The following C12orf42 variants were observed in gnomAD, a reference collection of about 807,000 sequenced individuals.
The protein encoded by C12orf42 is chromosome 12 open reading frame 42, also known as uncharacterized protein C12orf42.
C12orf42 carries 25 observed loss-of-function variants against 21.6 expected under a neutral mutation model. The observed-to-expected ratio is 1.16, with a 90% CI of 0.84 to 1.62. The LOEUF (loss-of-function observed/expected upper bound fraction) is 1.62, where lower values mean the gene tolerates loss of function less well. Ranked by LOEUF, C12orf42 falls within the 40% of genes most tolerant of loss-of-function variation. The probability of loss-of-function intolerance (pLI) is 0.00; values close to 1 mark genes in which losing one functional copy is unlikely to be tolerated. For synonymous variants in C12orf42, 174 were observed against 175.0 expected, an observed-to-expected ratio of 0.99 and a Z score of 0.05; for missense variants, 483 against 459.3, an observed-to-expected ratio of 1.05 and a Z score of -0.47.
chr12:103,057,249 AG>A, the C12orf42 span, among the ~76,000 whole-genome samples: 1 of 151,204 alleles, frequency 6.6e-6, no homozygotes, highest in Non-Finnish European at 1.5e-5. Context: ...TTTGTTACAT[AG>A]CTATACGTGT....
At chr12:103,327,307 G>A (rs2040805634) in intron 4 of C12orf42, among the ~76,000 whole-genome samples, 1 of 152,072 alleles carries the variant, frequency 6.6e-6, no homozygotes, top group Admixed American at 6.5e-5. Flanking sequence ...GGTATTCTGG[G>A]CATAGGGTTG....
chr12:103,172,472 T>C, the C12orf42 span, among the ~76,000 whole-genome samples: 2 of 152,152 alleles, frequency 1.3e-5, no homozygotes, highest in African/African-American at 4.8e-5. Flanking sequence ...TTCCCCTTGC[T>C]GATATATCTC....
At chr12:103,225,944 C>T in the C12orf42 span, among the ~76,000 whole-genome samples, 1 of 152,202 alleles carries the variant, frequency 6.6e-6, no homozygotes, top group Admixed American at 6.5e-5. Flanking sequence ...TGTCTGTCTT[C>T]AGCCGCTAAG....
At chr12:103,168,867 G>T in the C12orf42 span, among the ~76,000 whole-genome samples, 1 of 152,100 alleles carries the variant, frequency 6.6e-6, no homozygotes. Flanking sequence ...GTAGGGACAT[G>T]GATGAAGGTG....
intron 3 of C12orf42, among the ~76,000 whole-genome samples, chr12:103,376,621 G>A (rs1323314016): frequency 6.6e-6 from 1 of 152,102 alleles, no homozygotes; most frequent in Non-Finnish European, 1.5e-5. Flanking sequence ...AGCTGGTGTA[G>A]TCTGATACCA....
chr12:103,433,146 C>T (rs1209332809), intron 2 of C12orf42, among the ~76,000 whole-genome samples: 1 of 152,122 alleles, frequency 6.6e-6, no homozygotes, highest in South Asian at 2.1e-4. Context: ...CGGTTGTGTC[C>T]GAGCACCTAG....
chr12:103,062,519 G>C, the C12orf42 span, among the ~76,000 whole-genome samples: 1 of 151,956 alleles, frequency 6.6e-6, no homozygotes, highest in Non-Finnish European at 1.5e-5. Context: ...TCTTAGTAAT[G>C]TTATTTTAAA....
chr12:103,249,772 TATC>T (rs2034198110), intron 10 of C12orf42, among the ~76,000 whole-genome samples: 1 of 152,118 alleles, frequency 6.6e-6, no homozygotes, highest in Admixed American at 6.6e-5. Context: ...TGCTTTATGT[TATC>T]ATGCTGAAAG....
chr12:103,128,675 G>T, the C12orf42 span, among the ~76,000 whole-genome samples: 1 of 152,148 alleles, frequency 6.6e-6, no homozygotes, highest in Non-Finnish European at 1.5e-5. Context: ...TATATAAAGT[G>T]CTAGGGACAG....
At chr12:103,246,476 G>T (rs2034014589) in intron 10 of C12orf42, among the ~76,000 whole-genome samples, 1 of 151,924 alleles carries the variant, frequency 6.6e-6, no homozygotes, top group African/African-American at 2.4e-5. Flanking sequence ...ATAGTCAAAT[G>T]ATCTTATGCC....
At chr12:103,255,922 A>G (rs976519207) in intron 10 of C12orf42, among the ~76,000 whole-genome samples, 6 of 149,640 alleles carry the variant, frequency 4.0e-5, no homozygotes, top group African/African-American at 1.2e-4. Flanking sequence ...GCATGGTGGC[A>G]GGTGCCTGTA....
At chr12:103,064,502 A>C in the C12orf42 span, among the ~76,000 whole-genome samples, 1 of 152,256 alleles carries the variant, frequency 6.6e-6, no homozygotes, top group Non-Finnish European at 1.5e-5. Context: ...TAATTTATAT[A>C]AGCAGAAAAC....
chr12:103,200,837 G>A, the C12orf42 span, among the ~76,000 whole-genome samples: 1 of 152,070 alleles, frequency 6.6e-6, no homozygotes, highest in Admixed American at 6.6e-5. Context: ...TTATAATTAG[G>A]CTCAAACACA....
chr12:103,058,588 A>C, the C12orf42 span, among the ~76,000 whole-genome samples: 1 of 152,320 alleles, frequency 6.6e-6, no homozygotes, highest in African/African-American at 2.4e-5. Flanking sequence ...ATTGGAAGTA[A>C]AACACTCCTC....
At chr12:103,438,866 C>G (rs957132725) in intron 2 of C12orf42, among the ~76,000 whole-genome samples, 1 of 150,892 alleles carries the variant, frequency 6.6e-6, no homozygotes, top group African/African-American at 2.4e-5. Flanking sequence ...CCATCCCCAT[C>G]AAGCTACCAA....
At chr12:103,295,880 A>C (rs1193178281) in intron 4 of C12orf42, among the ~76,000 whole-genome samples, 1 of 152,076 alleles carries the variant, frequency 6.6e-6, no homozygotes, top group African/African-American at 2.4e-5. Flanking sequence ...TTTTTAAATT[A>C]TACTTTAAGT....
chr12:103,506,863 T>TATATATATTTATATATTATATATTAA, the C12orf42 span, among the ~76,000 whole-genome samples: 2 of 79,662 alleles, frequency 2.5e-5, no homozygotes, highest in Admixed American at 2.2e-4. Flanking sequence ...ATATATTATA[T>TATATATATTTATATATTATATATTAA]ATATATATTT....
the C12orf42 span, among the ~76,000 whole-genome samples, chr12:103,111,715 T>C: frequency 6.6e-6 from 1 of 152,216 alleles, no homozygotes; most frequent in African/African-American, 2.4e-5. Context: ...CATTCCCTAA[T>C]GCTCACTCGA....
chr12:103,296,545 A>G (rs1231486041), intron 4 of C12orf42, among the ~76,000 whole-genome samples: 1 of 152,126 alleles, frequency 6.6e-6, no homozygotes. Flanking sequence ...CTTTTTAATG[A>G]TCGCCATTCT....
Sources: gnomAD v4.1 joint callset for allele counts (sites outside exome capture counted in the v4.1 genomes callset) on GRCh38, gnomAD v4.1.1 for gene constraint, MANE v1.5 for transcripts, NCBI Gene and HGNC (gene_info 2026-07-23, HGNC 2026-07-21) for gene names.